The following WDTC1 variants were observed in gnomAD, a reference collection of about 807,000 sequenced individuals.
WDTC1 encodes the protein WD and tetratricopeptide repeats protein 1.
Under a neutral mutation model 76.0 loss-of-function variants are expected in WDTC1, and 12 were observed. The ratio of observed to expected loss-of-function variants is 0.16; its 90% CI spans 0.10 to 0.26. The LOEUF (loss-of-function observed/expected upper bound fraction) is 0.26, where lower values mean the gene tolerates loss of function less well. Ranked by LOEUF, WDTC1 falls within the 10% of genes least tolerant of loss-of-function variation. The pLI is 1.00. For synonymous variants in WDTC1, 326 were observed against 350.8 expected (o/e 0.93, Z 0.79); for missense variants, 511 against 908.8 (o/e 0.56, Z 5.63).
chr1:27,285,717 G>C (rs1185331529), intron 5 of WDTC1, among the ~76,000 whole-genome samples: 1 of 151,142 alleles, frequency 6.6e-6, no homozygotes, highest in Admixed American at 6.6e-5. Flanking sequence ...CTCCCGAGTA[G>C]CTGGGACTAC....
intron 6 of WDTC1, among the ~76,000 whole-genome samples, chr1:27,289,007 A>T (rs1436362450): frequency 7.8e-6 from 1 of 127,604 alleles, no homozygotes; most frequent in East Asian, 2.7e-4. Context: ...TCCCTCCCGG[A>T]CGGGGCGGCT....
At chr1:27,260,856 A>C (rs2012455401) in intron 1 of WDTC1, 100 bp from the exon 2 acceptor site, 1 of 620,904 alleles carries the variant, frequency 1.6e-6, no homozygotes, top group Admixed American at 3.0e-5. Context: ...AATGACAGGC[A>C]AGGGCCACTT....
intron 7 of WDTC1, 80 bp from the exon 8 acceptor site, chr1:27,293,942 G>A: frequency 3.7e-6 from 5 of 1,367,198 alleles, no homozygotes; most frequent in Non-Finnish European, 4.1e-6. Flanking sequence ...ACAAATGTAA[G>A]TTTTCGTCTA....
At position 27,301,072 on chromosome 1, in the gene WDTC1, G is replaced by A. The variant is rs961805737; in HGVS notation, c.1233-154G>A. Among the ~76,000 whole-genome samples, 1 of 152,192 alleles carries A rather than the reference G, an allele frequency of 6.6e-6. No individual in the cohort carries two copies. Among genetic ancestry groups the A allele is most frequent in the South Asian group, 2.1e-4 (1 of 4,832 alleles). Reference sequence around the variant, plus strand: ...TCTGTCTCCTGATGGGGGAGGCCTGGGCTGAGCCAGGATTCTCTTCGTCCT... The same window carrying A: ...TCTGTCTCCTGATGGGGGAGGCCTGAGCTGAGCCAGGATTCTCTTCGTCCT... On this transcript the variant is annotated intron_variant, in intron 12 of 15. Coordinates refer to ENST00000319394, the MANE Select transcript of WDTC1 (RefSeq NM_001276252.2). This position sits in a 1 kb window ranked among gnomAD's most constrained non-coding sequence, Gnocchi z 5.8.
At chr1:27,268,973 C>T (rs1045229964) in intron 3 of WDTC1, among the ~76,000 whole-genome samples, 1 of 149,932 alleles carries the variant, frequency 6.7e-6, no homozygotes, top group African/African-American at 2.5e-5. Flanking sequence ...CCTCAGCCTC[C>T]CAAAGTGCTG....
chr1:27,288,149 C>T (rs900508256), intron 6 of WDTC1, among the ~76,000 whole-genome samples: 1 of 152,168 alleles, frequency 6.6e-6, no homozygotes, highest in African/African-American at 2.4e-5. Flanking sequence ...ACTCTTTCCT[C>T]TACTTGAGAT....
chr1:27,304,763 T>C (rs183725969), intron 14 of WDTC1: 12 of 416,716 alleles, frequency 2.9e-5, no homozygotes, highest in African/African-American at 2.2e-4. Flanking sequence ...GAGGTAATAA[T>C]GAACTATAGG....
chr1:27,285,873 C>T (rs897648119), intron 5 of WDTC1, among the ~76,000 whole-genome samples: 1 of 152,072 alleles, frequency 6.6e-6, no homozygotes, highest in Non-Finnish European at 1.5e-5. Flanking sequence ...CAGGTGCGAG[C>T]CACAGCGCCC....
intron 3 of WDTC1, among the ~76,000 whole-genome samples, chr1:27,265,675 G>T (rs557098301): frequency 6.6e-6 from 1 of 152,212 alleles, no homozygotes; most frequent in Admixed American, 6.5e-5. Flanking sequence ...GCTGGGCGCA[G>T]TGGCTCACAC....
chr1:27,296,289 C>G, intron 9 of WDTC1, 37 bp from the exon 10 acceptor site: 1 of 1,613,262 alleles, frequency 6.2e-7, no homozygotes, highest in Middle Eastern at 1.6e-4. Context: ...CCTTACCTCA[C>G]AGCTTCCATC....
intron 1 of WDTC1, among the ~76,000 whole-genome samples, chr1:27,246,711 G>A (rs1025064138): frequency 5.3e-5 from 8 of 151,888 alleles, no homozygotes; most frequent in East Asian, 1.9e-4. Flanking sequence ...ACAGGTGCCC[G>A]CCACCACGCC....
intron 1 of WDTC1, among the ~76,000 whole-genome samples, chr1:27,256,560 A>T (rs2012287013): frequency 6.6e-6 from 1 of 152,240 alleles, no homozygotes; most frequent in Non-Finnish European, 1.5e-5. Flanking sequence ...CTGAAGTCTA[A>T]AAGTAGCTCA....
intron 1 of WDTC1, among the ~76,000 whole-genome samples, chr1:27,236,883 G>A (rs1424445012): frequency 6.6e-6 from 1 of 152,024 alleles, no homozygotes; most frequent in African/African-American, 2.4e-5. Context: ...CTGTTGCCCA[G>A]GCTGAAGTGC....
intron 6 of WDTC1, 62 bp from the exon 7 acceptor site, chr1:27,292,153 T>C: frequency 7.1e-7 from 1 of 1,413,124 alleles, no homozygotes; most frequent in East Asian, 2.7e-5. Context: ...AACTTATCTT[T>C]TCCCCTGCCT....
At position 27,287,774 on chromosome 1, in the gene WDTC1, G is replaced by C. The variant is rs199704545; in HGVS notation, c.392G>C (p.Gly131Ala). The C allele has an allele frequency of 6.2e-7, 1 of 1,614,102 alleles. No individual in the cohort carries two copies. Among genetic ancestry groups the C allele is most frequent in the African/African-American group, 1.3e-5 (1 of 75,026 alleles). Residue 131 changes from glycine to alanine, a missense_variant, in exon 6 of 16, where the codon GGA becomes GCA. By Grantham distance (60) the Gly-to-Ala change is moderately conservative. Coordinates refer to ENST00000319394, the MANE Select transcript of WDTC1 (RefSeq NM_001276252.2). ...GTAAAGGAGACCATCCACATGTTTG[G>C]AGACCACACAAACCGGGTGAAGCGC... ...LTVKETIHMF[G>A]DHTNRVKRIA...
At chr1:27,295,660 G>A (rs1458337464) in intron 9 of WDTC1, among the ~76,000 whole-genome samples, 1 of 151,854 alleles carries the variant, frequency 6.6e-6, no homozygotes, top group Non-Finnish European at 1.5e-5. Flanking sequence ...TCACGATGTT[G>A]GTCAGGCTAG....
intron 6 of WDTC1, among the ~76,000 whole-genome samples, chr1:27,291,087 GAGA>G (rs2013523115): frequency 6.6e-6 from 1 of 152,254 alleles, no homozygotes. Flanking sequence ...GGCACAGTCA[GAGA>G]AGGTGTCCTA....
chr1:27,247,565 T>C (rs1464297500), intron 1 of WDTC1, among the ~76,000 whole-genome samples: 1 of 152,176 alleles, frequency 6.6e-6, no homozygotes, highest in Non-Finnish European at 1.5e-5. Flanking sequence ...ACTTACAAGT[T>C]AGAACATGCC....
At position 27,301,550 on chromosome 1, in the gene WDTC1, A is replaced by G. The variant is rs964453682; in HGVS notation, c.1468+89A>G. On this transcript the variant is annotated intron_variant, in intron 13 of 15. Transcript: ENST00000319394. The surrounding 1 kb of genome is among the most constrained non-coding windows in gnomAD (Gnocchi z 5.8). ...GGAGAGGTCATGGTTCTGGGATTGG[A>G]GAGGCCTGGGTTCAGATGTTGATTC... 4 of 1,437,132 alleles carry G rather than the reference A, an allele frequency of 2.8e-6. No individual in the cohort carries two copies. Among genetic ancestry groups the G allele is most frequent in the Non-Finnish European group, 3.8e-6 (4 of 1,050,832 alleles). The allele number at this position is 1,437,132 out of a possible 1,614,324, so 89.0% of individuals were successfully genotyped here.
Sources: gnomAD v4.1 joint callset for allele counts (sites outside exome capture counted in the v4.1 genomes callset) on GRCh38, gnomAD v4.1.1 for gene constraint, Gnocchi (gnomAD v3.1) non-coding constraint, MANE v1.5 for transcripts, NCBI Gene and HGNC (gene_info 2026-07-23, HGNC 2026-07-21) for gene names.